RNF19A: variants seen among roughly 807,000 people sequenced by gnomAD.
The protein encoded by RNF19A is ring finger protein 19A, RBR E3 ubiquitin protein ligase.
Under a neutral mutation model 75.7 loss-of-function variants are expected in RNF19A, and 32 were observed. The observed-to-expected ratio is 0.42, with a 90% CI of 0.32 to 0.57. The LOEUF is 0.57. Ranked by LOEUF, RNF19A falls within the 20% of genes least tolerant of loss-of-function variation. The pLI, the probability that RNF19A is intolerant of heterozygous loss-of-function variation, is 0.10. For synonymous variants in RNF19A, 335 were observed against 345.2 expected, an observed-to-expected ratio of 0.97 and a Z score of 0.33; for missense variants, 782 against 1,036.3, an observed-to-expected ratio of 0.75 and a Z score of 3.37.
At chr8:100,307,564 TG>T (rs1822112237) in intron 1 of RNF19A, among the ~76,000 whole-genome samples, 1 of 150,472 alleles carries the variant, frequency 6.6e-6, no homozygotes. Context: ...AAAACCGTGG[TG>T]GGGAGGGGGT....
chr8:100,295,922 C>A (rs956719587), intron 1 of RNF19A, among the ~76,000 whole-genome samples: 1 of 152,144 alleles, frequency 6.6e-6, no homozygotes, highest in Non-Finnish European at 1.5e-5. Flanking sequence ...TAAAAAATCA[C>A]ATTTAAATGT....
At chr8:100,300,003 A>C (rs1479295765) in intron 1 of RNF19A, among the ~76,000 whole-genome samples, 1 of 152,196 alleles carries the variant, frequency 6.6e-6, no homozygotes, top group Admixed American at 6.5e-5. Flanking sequence ...ATAGGAGATA[A>C]GAGTGCAATC....
At position 100,258,990 on chromosome 8, in the gene RNF19A, C is replaced by CATCCA; in HGVS notation, c.2078_2082dup (p.Ala695TrpfsTer6). ...GTGCTTTGTTGTTCTAACAACTGTG[C>CATCCA]ATCCATGTCCTCTCTCGTCTCATTT... On this transcript the variant is annotated frameshift_variant, in exon 10 of 10. Coordinates refer to ENST00000341084, the MANE Select transcript of RNF19A (RefSeq NM_183419.4). LOFTEE classifies it high-confidence loss of function. This position sits in a 1 kb window ranked among gnomAD's most constrained non-coding sequence, Gnocchi z 4.3. The CATCCA allele has an allele frequency of 6.2e-7, 1 of 1,614,198 alleles. No individual in the cohort carries two copies. The highest frequency in any genetic ancestry group is 8.5e-7 in the Non-Finnish European group (1 of 1,180,034).
At chr8:100,289,264 T>C (rs1211881408) in intron 1 of RNF19A, among the ~76,000 whole-genome samples, 5 of 152,016 alleles carry the variant, frequency 3.3e-5, no homozygotes, top group South Asian at 4.1e-4. Context: ...GATCTAAATA[T>C]AAAGCTTCTA....
In RNF19A at chr8:100,258,942, G is replaced by A. The variant is rs776310282; in HGVS notation, c.2131C>T (p.Pro711Ser). 6.2e-7 allele frequency: 1 copy of A among 1,614,062 alleles called. No individual in the cohort carries two copies. Among genetic ancestry groups the A allele is most frequent in the Non-Finnish European group, 8.5e-7 (1 of 1,180,032 alleles). The change falls in exon 10 of 10, where the codon CCA becomes TCA. Residue 711 changes from proline (P) to serine (S), a missense_variant. By Grantham distance (74) the Pro-to-Ser change is moderately conservative. This residue lies in a region of RNF19A where 442 missense variants were observed against 541.6 expected (regional missense o/e 0.82). Coordinates refer to ENST00000341084, the MANE Select transcript of RNF19A (RefSeq NM_183419.4). The surrounding 1 kb of genome is among the most constrained non-coding windows in gnomAD (Gnocchi z 4.3). ...GAAGGCATACTGTCACTGAGGGATGGAGCCTCAAATTCACTTGAGTTCGTG... is the reference window on the plus strand; with the variant it reads ...GAAGGCATACTGTCACTGAGGGATGAAGCCTCAAATTCACTTGAGTTCGTG... ...QSTNSSEFEA[P>S]SLSDSMPSVA... is the part of the protein sequence containing the mutation.
chr8:100,324,887 T>TC lies in RNF19A; in HGVS notation c.-243+11220_-243+11221insG, dbSNP rs1554676067. On this transcript the variant is annotated intron_variant, in intron 1 of 3. Transcript: ENST00000519527. This position sits in a 1 kb window ranked among gnomAD's most constrained non-coding sequence, Gnocchi z 4.2. ...CTCTCTTTCTCTTTTTTTTCTTTCT[T>TC]TCTCTCTCTCTCTTTCTCTCTTTCT... Among the ~76,000 whole-genome samples the TC allele has an allele frequency of 6.7e-5, 10 of 148,164 alleles. No individual in the cohort carries two copies. Among genetic ancestry groups the TC allele is most frequent in the African/African-American group, 2.0e-4 (8 of 39,488 alleles).
At chr8:100,281,436 C>T (rs889022630) in intron 2 of RNF19A, among the ~76,000 whole-genome samples, 2 of 152,062 alleles carry the variant, frequency 1.3e-5, no homozygotes, top group East Asian at 3.9e-4. Context: ...TTTATAATAT[C>T]TCCTGGGAGA....
At position 100,260,846 on chromosome 8, in the gene RNF19A, C is replaced by G. The variant is rs1187324779; in HGVS notation, c.1682+696G>C. On this transcript the variant is annotated intron_variant, in intron 8 of 9. Transcript: ENST00000341084. This position sits in a 1 kb window ranked among gnomAD's most constrained non-coding sequence, Gnocchi z 4.1. Reference sequence around the variant, plus strand: ...GCATTAATACATAAAAGGACCCTAGCCGATTATCCCGGTCCCAGTTCACAC... The same window carrying G: ...GCATTAATACATAAAAGGACCCTAGGCGATTATCCCGGTCCCAGTTCACAC... Among the ~76,000 whole-genome samples, 3 of 152,162 alleles carry G rather than the reference C, an allele frequency of 2.0e-5. No individual in the cohort carries two copies. Among genetic ancestry groups the G allele is most frequent in the African/African-American group, 7.2e-5 (3 of 41,424 alleles).
chr8:100,334,890 C>A (rs558603471), intron 1 of RNF19A, among the ~76,000 whole-genome samples: 22 of 152,172 alleles, frequency 1.4e-4, no homozygotes, highest in Non-Finnish European at 3.1e-4. Flanking sequence ...GCACTGGGGC[C>A]TGCTCTGAAG....
chr8:100,293,507 T>C (rs1026437007), intron 1 of RNF19A, among the ~76,000 whole-genome samples: 2 of 152,214 alleles, frequency 1.3e-5, no homozygotes, highest in Non-Finnish European at 2.9e-5. Context: ...GTGTCTTTTT[T>C]TCCTTTGCTT....
intron 1 of RNF19A, among the ~76,000 whole-genome samples, chr8:100,295,198 T>G (rs1230305572): frequency 6.6e-6 from 1 of 152,228 alleles, no homozygotes; most frequent in African/African-American, 2.4e-5. Flanking sequence ...AGCATAATTT[T>G]AAAGAAAAAA....
intron 3 of RNF19A, among the ~76,000 whole-genome samples, chr8:100,271,046 T>C (rs1485934219): frequency 3.9e-5 from 6 of 152,150 alleles, no homozygotes; most frequent in Admixed American, 6.5e-5. Context: ...TCTTACATTA[T>C]AAGCATTAAG....
Position 100,258,728 on chromosome 8 carries a change from T to C in RNF19A, c.2345A>G (p.Gln782Arg). The change falls in exon 10 of 10, where the codon CAA (glutamine) becomes CGA (arginine). Residue 782 changes from glutamine to arginine, a missense_variant. By Grantham distance (43) the Gln-to-Arg change is conservative. This residue lies in a region of RNF19A where 442 missense variants were observed against 541.6 expected (regional missense o/e 0.82). Coordinates refer to ENST00000341084, the MANE Select transcript of RNF19A (RefSeq NM_183419.4). The surrounding 1 kb of genome is among the most constrained non-coding windows in gnomAD (Gnocchi z 4.3). ...PHQCSISVVT[Q>R]TASCSEVSQL... ...TGAAACTTCTGAACAGGAAGCAGTT[T>C]GGGTAACCACAGAAATGCTACACTG... 1 of 1,614,242 alleles carries C rather than the reference T, an allele frequency of 6.2e-7. No individual in the cohort carries two copies. Among genetic ancestry groups the C allele is most frequent in the Non-Finnish European group, 8.5e-7 (1 of 1,180,048 alleles).
chr8:100,286,036 T>C (rs1413770472), intron 2 of RNF19A, among the ~76,000 whole-genome samples: 1 of 152,146 alleles, frequency 6.6e-6, no homozygotes, highest in Admixed American at 6.5e-5. Flanking sequence ...ATTTCAAGAG[T>C]ATAACTTGCA....
intron 1 of RNF19A, among the ~76,000 whole-genome samples, chr8:100,308,819 T>C (rs1822167503): frequency 6.6e-6 from 1 of 152,150 alleles, no homozygotes; most frequent in Non-Finnish European, 1.5e-5. Flanking sequence ...GGTTTGAAAA[T>C]TGCAACGGCA....
intron 1 of RNF19A, among the ~76,000 whole-genome samples, chr8:100,303,761 TAAAA>T (rs60110792): frequency 3.2e-5 from 3 of 94,346 alleles, no homozygotes; most frequent in African/African-American, 1.2e-4. Flanking sequence ...TCGCCGCTTG[TAAAA>T]AAAAAAAAAA....
intron 1 of RNF19A, among the ~76,000 whole-genome samples, chr8:100,296,012 T>C (rs1821538695): frequency 1.3e-5 from 2 of 152,198 alleles, no homozygotes; most frequent in African/African-American, 4.8e-5. Context: ...AATGTCATTA[T>C]TTTCCTCTAA....
In RNF19A at chr8:100,317,730, G is replaced by T. The variant is rs902137294; in HGVS notation, c.-242-4358C>A. ...TGACAGGATGAGGTTGGCTCACGAGGTCTAGAGTGGCAGGATGCACTGGGG... is the reference window on the plus strand; with the variant it reads ...TGACAGGATGAGGTTGGCTCACGAGTTCTAGAGTGGCAGGATGCACTGGGG... On this transcript the variant is annotated intron_variant, in intron 1 of 3. Coordinates refer to the RNF19A transcript ENST00000519527. The surrounding 1 kb of genome is among the most constrained non-coding windows in gnomAD (Gnocchi z 4.3). 3.9e-5 allele frequency among the ~76,000 whole-genome samples: 6 copies of T among 152,208 alleles called. No individual in the cohort carries two copies. Among genetic ancestry groups the T allele is most frequent in the African/African-American group, 1.2e-4 (5 of 41,448 alleles).
rs1563833727 is a variant in RNF19A, at chr8:100,264,182, A to T, written c.1320T>A (p.Pro440=). The T allele has an allele frequency of 2.5e-6, 4 of 1,611,042 alleles. No individual in the cohort carries two copies. Among genetic ancestry groups the T allele is most frequent in the Non-Finnish European group, 3.4e-6 (4 of 1,178,528 alleles). The change falls in exon 7 of 10, where the codon CCT becomes CCA. Residue 440 remains proline (P), a synonymous_variant. Transcript: ENST00000341084. The surrounding 1 kb of genome is among the most constrained non-coding windows in gnomAD (Gnocchi z 4.7). Reference sequence around the variant, plus strand: ...CGCCATAGACATAAGCTAACATAATAGGAACACCGATACCTAAAGAGAAAT... The same window carrying T: ...CGCCATAGACATAAGCTAACATAATTGGAACACCGATACCTAAAGAGAAAT... ...VAAVTVGIGV[P]IMLAYVYGVV... is the part of the protein sequence containing the mutation.
Sources: gnomAD v4.1 joint callset for allele counts (sites outside exome capture counted in the v4.1 genomes callset) on GRCh38, gnomAD v4.1.1 for gene constraint, gnomAD v4.1.1 regional missense constraint, Gnocchi (gnomAD v3.1) non-coding constraint, MANE v1.5 for transcripts, NCBI Gene and HGNC (gene_info 2026-07-23, HGNC 2026-07-21) for gene names.